Variants in CYP3A43 observed in about 807,000 individuals in gnomAD.
CYP3A43 encodes cytochrome P450 family 3 subfamily A member 43, also known as cytochrome P450 3A43.
CYP3A43 carries 45 observed loss-of-function variants against 58.0 expected under a neutral mutation model. The ratio of observed to expected loss-of-function variants is 0.78; its 90% CI spans 0.61 to 0.99. CYP3A43 has a LOEUF of 0.99. CYP3A43 is among the 50% of genes least tolerant of loss of function. The pLI is 0.00. For missense variants in CYP3A43, 593 were observed against 591.9 expected (o/e 1.00, Z -0.02); for synonymous variants, 191 against 201.4 (o/e 0.95, Z 0.44).
chr7:99,841,943 T>C (rs1174638819), intron 3 of CYP3A43, among the ~76,000 whole-genome samples: 1 of 152,218 alleles, frequency 6.6e-6, no homozygotes, highest in Non-Finnish European at 1.5e-5. Context: ...CAAGGCCACC[T>C]TCCCAGCCTC....
chr7:99,860,653 G>GT (rs1351302780), intron 10 of CYP3A43, among the ~76,000 whole-genome samples: 2 of 152,188 alleles, frequency 1.3e-5, no homozygotes, highest in Non-Finnish European at 2.9e-5. Flanking sequence ...ACAAAGGAAT[G>GT]TTCATCTAAG....
intron 4 of CYP3A43, among the ~76,000 whole-genome samples, chr7:99,844,798 C>T (rs1402755800): frequency 1.3e-5 from 2 of 152,098 alleles, no homozygotes; most frequent in East Asian, 1.9e-4. Context: ...AGGCTGGGTG[C>T]GGTGGCTCAC....
intron 11 of CYP3A43, among the ~76,000 whole-genome samples, chr7:99,862,164 G>A (rs140302730): frequency 2.9e-4 from 44 of 152,080 alleles, no homozygotes; most frequent in African/African-American, 1.0e-3. Flanking sequence ...ACTATCTTAC[G>A]TTACTACATA....
At chr7:99,828,853 C>G (rs1266656262) in intron 1 of CYP3A43, among the ~76,000 whole-genome samples, 2 of 152,180 alleles carry the variant, frequency 1.3e-5, no homozygotes, top group Admixed American at 1.3e-4. Flanking sequence ...ATGCAATTGT[C>G]TTGAGCCTCT....
intron 1 of CYP3A43, among the ~76,000 whole-genome samples, chr7:99,830,535 A>G (rs1242198399): frequency 6.6e-6 from 1 of 152,180 alleles, no homozygotes; most frequent in Non-Finnish European, 1.5e-5. Context: ...AAAAAAAAGA[A>G]AAAAATAATA....
At chr7:99,854,714 T>G (rs1208011397) in intron 7 of CYP3A43, among the ~76,000 whole-genome samples, 1 of 152,186 alleles carries the variant, frequency 6.6e-6, no homozygotes, top group Non-Finnish European at 1.5e-5. Flanking sequence ...CCTCTGAACA[T>G]TGCTTTGGCT....
intron 7 of CYP3A43, among the ~76,000 whole-genome samples, chr7:99,852,261 A>G (rs534858381): frequency 2.6e-5 from 4 of 152,310 alleles, no homozygotes; most frequent in Middle Eastern, 6.8e-3. Context: ...TTCTTTTTCA[A>G]CATTGTTCTG....
At chr7:99,835,279 T>A (rs1817024881) in intron 1 of CYP3A43, among the ~76,000 whole-genome samples, 1 of 152,186 alleles carries the variant, frequency 6.6e-6, no homozygotes, top group Non-Finnish European at 1.5e-5. Flanking sequence ...CTTCCCTGAA[T>A]ATAGGTGTTG....
At chr7:99,845,785 T>TC (rs35364233) in intron 4 of CYP3A43, among the ~76,000 whole-genome samples, 29,384 of 151,558 alleles carry the variant, frequency 0.19, 5,751 homozygotes, top group African/African-American at 0.51. Context: ...TTTTTGCTTT[T>TC]TTTTTTTTTT....
intron 3 of CYP3A43, among the ~76,000 whole-genome samples, chr7:99,841,854 T>C (rs1448642221): frequency 6.6e-6 from 1 of 152,188 alleles, no homozygotes; most frequent in Non-Finnish European, 1.5e-5. Context: ...GAACTTCCCT[T>C]GTCTAAATCT....
chr7:99,836,105 T>A (rs1437381224), intron 1 of CYP3A43, among the ~76,000 whole-genome samples: 1 of 152,168 alleles, frequency 6.6e-6, no homozygotes, highest in Non-Finnish European at 1.5e-5. Context: ...TCCATCCCCA[T>A]GTGTGCCAGT....
rs1026256325 is a variant in CYP3A43, at chr7:99,856,882, A to C, written c.848A>C (p.Glu283Ala). 3 of 1,614,030 alleles carry C rather than the reference A, an allele frequency of 1.9e-6. No individual in the cohort carries two copies. The highest frequency in any genetic ancestry group is 2.5e-6 in the Non-Finnish European group (3 of 1,179,976). Residue 283 changes from glutamate to alanine, a missense_variant, in exon 9 of 13, where the codon GAA becomes GCA. Physicochemically the swap from Glu to Ala is moderately radical, Grantham distance 107. Coordinates refer to ENST00000354829, the MANE Select transcript of CYP3A43 (RefSeq NM_057095.3). ...QQMIDSQNSKETKSHKALSDL... is the reference protein window; with the variant it reads ...QQMIDSQNSKATKSHKALSDL... ...ATGATCGACTCCCAGAATTCCAAAG[A>C]AACAAAGTCCCATAAAGGTAACCAA...
chr7:99,851,323 G>A (rs1817751974), intron 7 of CYP3A43, among the ~76,000 whole-genome samples: 2 of 152,306 alleles, frequency 1.3e-5, no homozygotes, highest in African/African-American at 4.8e-5. Flanking sequence ...TATATATTCA[G>A]CAGTGGAATG....
chr7:99,832,012 G>C (rs2151586993), intron 1 of CYP3A43, among the ~76,000 whole-genome samples: 1 of 152,234 alleles, frequency 6.6e-6, no homozygotes, highest in Non-Finnish European at 1.5e-5. Flanking sequence ...GCCAGTGGAA[G>C]CCTTGAATAT....
At chr7:99,831,033 A>T (rs964655911) in intron 1 of CYP3A43, among the ~76,000 whole-genome samples, 1 of 152,156 alleles carries the variant, frequency 6.6e-6, no homozygotes, top group African/African-American at 2.4e-5. Flanking sequence ...ATGAGTTTTG[A>T]TCTACCTAGA....
chr7:99,864,765 A>G (rs1818382108), intron 12 of CYP3A43, among the ~76,000 whole-genome samples: 1 of 148,574 alleles, frequency 6.7e-6, no homozygotes, highest in South Asian at 2.1e-4. Flanking sequence ...TACAAGTTTT[A>G]AGCTGTTTAA....
intron 10 of CYP3A43, 60 bp downstream of exon 10, chr7:99,860,050 C>T: frequency 6.6e-7 from 1 of 1,524,706 alleles, no homozygotes; most frequent in Non-Finnish European, 8.8e-7. Flanking sequence ...AGAATGCCTC[C>T]TCACCACTTG....
rs1818165305 is a variant in CYP3A43, at chr7:99,860,004, C to T, written c.1026+14C>T. On this transcript the variant is annotated intron_variant, in intron 10 of 12. Coordinates refer to ENST00000354829, the MANE Select transcript of CYP3A43 (RefSeq NM_057095.3). ...TTACCCAATAAGGTAAGGGGATGAT[C>T]CCCTGGAGAAGGAGGGAGAAGGTGA... The T allele has an allele frequency of 1.3e-6, 2 of 1,566,632 alleles. No homozygotes were observed. Among genetic ancestry groups the T allele is most frequent in the South Asian group, 1.2e-5 (1 of 82,018 alleles).
chr7:99,856,242 G>A (rs965262089), intron 8 of CYP3A43, among the ~76,000 whole-genome samples: 1 of 152,102 alleles, frequency 6.6e-6, no homozygotes, highest in Non-Finnish European at 1.5e-5. Context: ...GGTCTTCTCT[G>A]GGCATTGTGG....
Sources: allele counts gnomAD v4.1 joint callset (sites outside exome capture counted in the v4.1 genomes callset), GRCh38; gene constraint gnomAD v4.1.1; transcripts MANE v1.5; gene names NCBI Gene and HGNC (gene_info 2026-07-23, HGNC 2026-07-21).